MTMR8: variants seen among roughly 807,000 people sequenced by gnomAD.
MTMR8 encodes the protein phosphatidylinositol-3,5-bisphosphate 3-phosphatase MTMR8.
A neutral mutation model predicts 39.3 loss-of-function variants in MTMR8; 65 were observed. The observed-to-expected ratio is 1.65, with a 90% CI of 1.35 to 2.03. The LOEUF is 2.03. MTMR8 is among the 30% of genes most tolerant of loss of function. MTMR8 has a pLI of 0.00. For missense variants in MTMR8, 777 were observed against 538.9 expected, an observed-to-expected ratio of 1.44 and a Z score of -4.37; for synonymous variants, 245 against 185.2, an observed-to-expected ratio of 1.32 and a Z score of -2.62.
At chrX:64,317,643 GC>G (rs1410540407) in intron 12 of MTMR8, among the ~76,000 whole-genome samples, 4 of 112,062 alleles carry the variant, frequency 3.6e-5, no homozygotes, top group African/African-American at 1.3e-4. Flanking sequence ...TCCATTGACT[GC>G]CTTTTTTCAG....
intron 4 of MTMR8, among the ~76,000 whole-genome samples, chrX:64,352,542 T>C (rs1923512409): frequency 9.0e-6 from 1 of 111,644 alleles, no homozygotes; most frequent in African/African-American, 3.2e-5. Context: ...ATACTTGATA[T>C]CTGTTTAATC....
chrX:64,302,060 C>G (rs779841437), intron 12 of MTMR8, among the ~76,000 whole-genome samples: 49 of 112,913 alleles, frequency 4.3e-4, no homozygotes, highest in Non-Finnish European at 7.9e-4. Context: ...CCTACAGAGG[C>G]AGGCAGGCCT....
rs778962275 is a variant in MTMR8, at chrX:64,308,320, A to ATTTTTTTTTTT, written c.1481+20441_1481+20451dup. Reference sequence around the variant, plus strand: ...CAGGTGCCTGCCATCACGGCTGGCTATTTTTTTTTTTTTTTTTTTTTTGTA... The same window carrying ATTTTTTTTTTT: ...CAGGTGCCTGCCATCACGGCTGGCTATTTTTTTTTTTTTTTTTTTTTTTTTTTTTTTTTGTA... On this transcript the variant is annotated intron_variant, in intron 12 of 13. Coordinates refer to ENST00000374852, the MANE Select transcript of MTMR8 (RefSeq NM_017677.4). Among the ~76,000 whole-genome samples the ATTTTTTTTTTT allele has an allele frequency of 9.9e-3, 687 of 69,442 alleles. 1 individual carries two copies. The highest frequency in any genetic ancestry group is 0.037 in the African/African-American group (574 of 15,313). The allele number at this position is 69,442 out of a possible 115,157, so 60.3% of individuals were successfully genotyped here.
intron 1 of MTMR8, among the ~76,000 whole-genome samples, chrX:64,379,358 C>A (rs1344317530): frequency 8.9e-6 from 1 of 111,850 alleles, no homozygotes; most frequent in Non-Finnish European, 1.9e-5. Context: ...TTTTCATGAA[C>A]ATAGATGCAA....
intron 12 of MTMR8, among the ~76,000 whole-genome samples, chrX:64,279,619 A>C (rs1332688135): frequency 8.9e-6 from 1 of 111,794 alleles, no homozygotes; most frequent in Non-Finnish European, 1.9e-5. Context: ...TTTTTACAGA[A>C]ATGGAAAAAA....
intron 1 of MTMR8, among the ~76,000 whole-genome samples, chrX:64,393,214 G>A (rs2147251460): frequency 8.9e-6 from 1 of 111,787 alleles, no homozygotes; most frequent in Non-Finnish European, 1.9e-5. Context: ...CCACATCTAT[G>A]GATCTCAGTT....
chrX:64,359,775 G>C (rs753189858), intron 1 of MTMR8, among the ~76,000 whole-genome samples: 11 of 110,614 alleles, frequency 9.9e-5, no homozygotes, highest in Admixed American at 7.7e-4. Context: ...TTTACAAGAT[G>C]AGGTACGTAT....
chrX:64,277,128 G>A (rs374207037), intron 12 of MTMR8, among the ~76,000 whole-genome samples: 1 of 111,191 alleles, frequency 9.0e-6, no homozygotes, highest in East Asian at 2.8e-4. Context: ...TTTATTTTGA[G>A]CCTATGTGTG....
intron 12 of MTMR8, among the ~76,000 whole-genome samples, chrX:64,285,065 A>G (rs925621950): frequency 4.5e-5 from 5 of 111,871 alleles, no homozygotes; most frequent in Non-Finnish European, 7.5e-5. Context: ...AGTGTGCTGT[A>G]TTCAGGAAAC....
At chrX:64,302,603 G>T (rs1921934643) in intron 12 of MTMR8, among the ~76,000 whole-genome samples, 1 of 112,359 alleles carries the variant, frequency 8.9e-6, no homozygotes, top group Admixed American at 9.4e-5. Context: ...CGGACCCTAT[G>T]CTGTTTACTT....
chrX:64,308,907 A>G (rs1206614722), intron 12 of MTMR8, among the ~76,000 whole-genome samples: 2 of 111,433 alleles, frequency 1.8e-5, no homozygotes, highest in Non-Finnish European at 3.8e-5. Flanking sequence ...AGCTGAGTTG[A>G]TTATATTTCT....
At chrX:64,287,923 A>G (rs1326727746) in intron 12 of MTMR8, among the ~76,000 whole-genome samples, 1 of 102,064 alleles carries the variant, frequency 9.8e-6, no homozygotes, top group East Asian at 3.1e-4. Flanking sequence ...CTTGATGTCT[A>G]AAACACCAAA....
intron 11 of MTMR8, among the ~76,000 whole-genome samples, chrX:64,330,040 C>A (rs1400897656): frequency 2.7e-5 from 3 of 111,600 alleles, no homozygotes; most frequent in Admixed American, 1.9e-4. Flanking sequence ...CCCAAGTCTG[C>A]CTGATTCTAA....
At chrX:64,363,536 A>C (rs1923855262) in intron 1 of MTMR8, among the ~76,000 whole-genome samples, 1 of 112,331 alleles carries the variant, frequency 8.9e-6, no homozygotes, top group East Asian at 2.8e-4. Context: ...CCAGAGGCAG[A>C]TGCCTGTGTT....
At chrX:64,293,491 T>C (rs1458266732) in intron 12 of MTMR8, among the ~76,000 whole-genome samples, 2 of 111,326 alleles carry the variant, frequency 1.8e-5, no homozygotes, top group Non-Finnish European at 3.8e-5. Context: ...GTGAAGCAAG[T>C]ATTAACATTT....
intron 12 of MTMR8, among the ~76,000 whole-genome samples, chrX:64,282,371 G>A (rs1056222404): frequency 1.8e-5 from 2 of 111,297 alleles, no homozygotes; most frequent in Non-Finnish European, 3.8e-5. Context: ...GAAGGGGTGG[G>A]GGTAGGGAGA....
At chrX:64,391,304 T>C (rs1305375560) in intron 1 of MTMR8, among the ~76,000 whole-genome samples, 1 of 112,261 alleles carries the variant, frequency 8.9e-6, no homozygotes, top group Non-Finnish European at 1.9e-5. Context: ...CAATTATTTA[T>C]GTGAAGGAGA....
intron 11 of MTMR8, 21 bp from the exon 12 acceptor site, chrX:64,328,921 G>A (rs779993914): frequency 1.7e-6 from 2 of 1,178,234 alleles, no homozygotes; most frequent in South Asian, 3.9e-5. Context: ...AGAAAAACAA[G>A]CCAAAAAATT....
intron 12 of MTMR8, among the ~76,000 whole-genome samples, chrX:64,321,171 GA>G (rs199594746): frequency 1.2e-4 from 13 of 109,885 alleles, no homozygotes; most frequent in African/African-American, 3.3e-4. Flanking sequence ...GAGGCATTCA[GA>G]AAAAAAACAA....
Sources: allele counts gnomAD v4.1 joint callset (sites outside exome capture counted in the v4.1 genomes callset), GRCh38; gene constraint gnomAD v4.1.1; transcripts MANE v1.5; gene names NCBI Gene and HGNC (gene_info 2026-07-23, HGNC 2026-07-21).